The following BBS7 variants were observed in gnomAD, a reference collection of about 807,000 sequenced individuals.
BBS7 encodes BBSome complex member BBS7.
In BBS7, 50 loss-of-function variants were observed where a neutral mutation model predicts 90.3. The observed-to-expected ratio is 0.55, with a 90% CI of 0.44 to 0.70. The LOEUF is 0.70. BBS7 is among the 30% of genes least tolerant of loss of function. The pLI is 0.00. For synonymous variants in BBS7, 235 were observed against 287.4 expected, an observed-to-expected ratio of 0.82 and a Z score of 1.85; for missense variants, 729 against 838.9, an observed-to-expected ratio of 0.87 and a Z score of 1.62.
chr4:121,826,033 T>A, intron 18 of BBS7, 40 bp from the exon 19 acceptor site: 1 of 1,496,236 alleles, frequency 6.7e-7, no homozygotes, highest in Non-Finnish European at 9.2e-7. Flanking sequence ...AGTGATTAGT[T>A]ATATTTAATG....
In BBS7 at chr4:121,859,919, CTT is replaced by C. The variant is rs1470931561; in HGVS notation, c.342-743_342-742del. ...TTTTCACTTGGGTGAGCTAAAATGTCTTGACAAAAATTATATTTAAGTGTGAT... is the reference window on the plus strand; with the variant it reads ...TTTTCACTTGGGTGAGCTAAAATGTCGACAAAAATTATATTTAAGTGTGAT... On this transcript the variant is annotated intron_variant, in intron 4 of 18. Transcript: ENST00000264499. Among the ~76,000 whole-genome samples, 3 of 152,120 alleles carry C rather than the reference CTT, an allele frequency of 2.0e-5. No individual in the cohort carries two copies. In the East Asian group the frequency reaches 5.8e-4, roughly 29 times the overall value.
In BBS7 at chr4:121,845,612, T is replaced by C. The variant is rs573425650; in HGVS notation, c.1122A>G (p.Ser374=). The C allele has an allele frequency of 6.2e-7, 1 of 1,613,034 alleles. No individual in the cohort carries two copies. Among genetic ancestry groups the C allele is most frequent in the East Asian group, 2.2e-5 (1 of 44,728 alleles). Residue 374 remains serine, a synonymous_variant, in exon 11 of 19, where the codon TCA becomes TCG. Coordinates refer to ENST00000264499, the MANE Select transcript of BBS7 (RefSeq NM_176824.3). ...CATTTATACCAAAGGAAGGTACTGC[T>C]GATTTTGCTTTGCTTGATTGAGAAG... ...QQSSQSSKAK[S]AVPSFGINDK...
At chr4:121,858,658 G>C (rs1489441457) in intron 5 of BBS7, 2 of 225,450 alleles carry the variant, frequency 8.9e-6, no homozygotes, top group Non-Finnish European at 1.8e-5. Context: ...TTGATTTTTG[G>C]GGAAGATAAA....
chr4:121,861,574 T>C lies in BBS7; in HGVS notation c.271A>G (p.Arg91Gly), dbSNP rs1050167281. 3.7e-6 allele frequency: 6 copies of C among 1,613,862 alleles called. No homozygotes were observed. Among genetic ancestry groups the C allele is most frequent in the Non-Finnish European group, 4.2e-6 (5 of 1,179,814 alleles). ...TGTTTTCCTCTTTTTGTGAAGCCTC[T>C]AATCTCAGATGCTGCAGCAATAAAA... ...KIFIAAASEI[R>G]GFTKRGKQFL... The change falls in exon 4 of 19, where the codon AGA (arginine) becomes GGA (glycine). Residue 91 changes from arginine (R) to glycine (G), a missense_variant. Physicochemically the swap from Arg to Gly is moderately radical, Grantham distance 125. Transcript: ENST00000264499.
intron 18 of BBS7, 179 bp downstream of exon 18, chr4:121,827,967 C>T (rs1267728021): frequency 7.1e-7 from 1 of 1,413,956 alleles, no homozygotes. Flanking sequence ...TTAAAAGTAG[C>T]TTGACAAAAT....
intron 5 of BBS7, among the ~76,000 whole-genome samples, chr4:121,857,892 C>T (rs565840421): frequency 2.0e-5 from 3 of 149,116 alleles, no homozygotes; most frequent in East Asian, 3.9e-4. Flanking sequence ...CCGCAACCTC[C>T]GCCTCCTGGG....
Position 121,846,161 on chromosome 4 carries a change from T to G in BBS7, c.1038-465A>C, listed in dbSNP as rs540109115. 2.0e-5 allele frequency among the ~76,000 whole-genome samples: 3 copies of G among 152,302 alleles called. No individual in the cohort carries two copies. In the East Asian group the frequency reaches 5.8e-4, roughly 29 times the overall value. On this transcript the variant is annotated intron_variant, in intron 10 of 18. Transcript: ENST00000264499. Reference sequence around the variant, plus strand: ...GAGACATAAAAAATAAAAAGGAAGCTGCAGAGCATTAGCATTTTGGGGACC... The same window carrying G: ...GAGACATAAAAAATAAAAAGGAAGCGGCAGAGCATTAGCATTTTGGGGACC...
At chr4:121,854,604 C>G in intron 7 of BBS7, 100 bp downstream of exon 7, 1 of 1,164,938 alleles carries the variant, frequency 8.6e-7, no homozygotes, top group Non-Finnish European at 1.2e-6. Flanking sequence ...ATTGCTAAGT[C>G]TGCTATGTAG....
rs79652253 is a variant in BBS7 at position 121,834,863 on chromosome 4, T to C, written c.1511+281A>G. Among the ~76,000 whole-genome samples, 24 of 152,264 alleles carry C rather than the reference T, an allele frequency of 1.6e-4. No homozygotes were observed. The East Asian group carries it at 4.4e-3, about 28-fold the overall frequency. On this transcript the variant is annotated intron_variant, in intron 14 of 18. Coordinates refer to ENST00000264499, the MANE Select transcript of BBS7 (RefSeq NM_176824.3). ...ATTATACTATCTAAAGGTTAAACAGTATTTGCTCTCACATTAAGTATCTGA... is the reference window on the plus strand; with the variant it reads ...ATTATACTATCTAAAGGTTAAACAGCATTTGCTCTCACATTAAGTATCTGA...
chr4:121,827,864 T>G, intron 18 of BBS7: 1 of 1,073,170 alleles, frequency 9.3e-7, no homozygotes, highest in Non-Finnish European at 1.2e-6. Context: ...TACATTCATT[T>G]TATACCAGGT....
intron 13 of BBS7, among the ~76,000 whole-genome samples, chr4:121,839,210 T>C (rs926331387): frequency 2.0e-5 from 3 of 152,184 alleles, no homozygotes; most frequent in Non-Finnish European, 4.4e-5. Flanking sequence ...CTTTTATAAA[T>C]GTTTGAAACT....
At chr4:121,842,541 G>T (rs975196657) in intron 12 of BBS7, among the ~76,000 whole-genome samples, 2 of 151,230 alleles carry the variant, frequency 1.3e-5, no homozygotes, top group Non-Finnish European at 3.0e-5. Flanking sequence ...AGGCTGAGGT[G>T]GGAGGATCTG....
In BBS7 at chr4:121,852,047, A is replaced by G. The variant is rs141846171; in HGVS notation, c.849+909T>C. On this transcript the variant is annotated intron_variant, in intron 8 of 18. Transcript: ENST00000264499. ...AATGGATTATTATTTCTAAGCCTAA[A>G]CTATTACCTGCATCATTAGCAGGAT... Among the ~76,000 whole-genome samples the G allele has an allele frequency of 3.9e-3, 592 of 152,368 alleles. 8 individuals are homozygous for G. Among genetic ancestry groups the G allele is most frequent in the Middle Eastern group, 0.031 (9 of 294 alleles).
chr4:121,831,513 G>A (rs913732539), intron 15 of BBS7, among the ~76,000 whole-genome samples: 1 of 151,350 alleles, frequency 6.6e-6, no homozygotes, highest in Non-Finnish European at 1.5e-5. Context: ...AAACAGTTTT[G>A]AATCTTAAGA....
rs375865529 is a variant in BBS7 at position 121,832,009 on chromosome 4, A to AACACACACACACACAC, written c.1676+1206_1676+1221dup. On this transcript the variant is annotated intron_variant, in intron 15 of 18. Coordinates refer to ENST00000264499, the MANE Select transcript of BBS7 (RefSeq NM_176824.3). ...AATAACACAAAGCAAAAAAAACAAA[A>AACACACACACACACAC]ACACACACACACACACACACACACA... Among the ~76,000 whole-genome samples, 538 of 142,858 alleles carry AACACACACACACACAC rather than the reference A, an allele frequency of 3.8e-3. 5 individuals carry two copies. The highest frequency in any genetic ancestry group is 0.013 in the African/African-American group (484 of 37,374). 93.7% of individuals were successfully genotyped at this position (142,858 alleles called of 152,430 possible).
At chr4:121,841,670 G>A (rs1053156451) in intron 12 of BBS7, among the ~76,000 whole-genome samples, 6 of 151,876 alleles carry the variant, frequency 4.0e-5, no homozygotes, top group Non-Finnish European at 5.9e-5. Context: ...ACCTCCATAC[G>A]TTTTTTTAAA....
At chr4:121,842,919 T>TC (rs992000631) in intron 12 of BBS7, among the ~76,000 whole-genome samples, 1 of 152,164 alleles carries the variant, frequency 6.6e-6, no homozygotes, top group Admixed American at 6.6e-5. Flanking sequence ...CGTGATCATC[T>TC]CAGGTACTGT....
chr4:121,862,976 T>C (rs1361824641), intron 3 of BBS7, among the ~76,000 whole-genome samples: 1 of 152,148 alleles, frequency 6.6e-6, no homozygotes, highest in Non-Finnish European at 1.5e-5. Context: ...GCCCTAAATT[T>C]GGGGTAATAT....
chr4:121,825,808 A>C lies in BBS7; in HGVS notation c.*52T>G. 1 of 1,583,380 alleles carries C rather than the reference A, an allele frequency of 6.3e-7. No individual in the cohort carries two copies. Among genetic ancestry groups the C allele is most frequent in the Non-Finnish European group, 8.6e-7 (1 of 1,157,548 alleles). ...ACAGTTAACTTCTAATTCTCTTTTAACATTTTTCATTTAAACAGACCACTT... is the reference window on the plus strand; with the variant it reads ...ACAGTTAACTTCTAATTCTCTTTTACCATTTTTCATTTAAACAGACCACTT... On this transcript the variant is annotated 3_prime_UTR_variant, in exon 19 of 19. Coordinates refer to ENST00000264499, the MANE Select transcript of BBS7 (RefSeq NM_176824.3).
Sources: allele counts gnomAD v4.1 joint callset (sites outside exome capture counted in the v4.1 genomes callset), GRCh38; gene constraint gnomAD v4.1.1; transcripts MANE v1.5; gene names NCBI Gene and HGNC (gene_info 2026-07-23, HGNC 2026-07-21).